ITIH6: variants seen among roughly 807,000 people sequenced by gnomAD.
ITIH6 encodes inter-alpha-trypsin inhibitor heavy chain family member 6.
Under a neutral mutation model 58.2 loss-of-function variants are expected in ITIH6, and 60 were observed. The ratio of observed to expected loss-of-function variants is 1.03; its 90% CI spans 0.84 to 1.28. ITIH6 has a LOEUF of 1.28. Ranked by LOEUF, ITIH6 falls within the 50% of genes most tolerant of loss-of-function variation. The pLI is 0.00. For missense variants in ITIH6, 1,290 were observed against 1,021.1 expected, an observed-to-expected ratio of 1.26 and a Z score of -3.59; for synonymous variants, 493 against 417.4, an observed-to-expected ratio of 1.18 and a Z score of -2.21.
intron 9 of ITIH6, 116 bp downstream of exon 9, chrX:54,754,901 C>T (rs1928455389): frequency 3.8e-6 from 2 of 532,291 alleles, no homozygotes; most frequent in Non-Finnish European, 6.3e-6. Flanking sequence ...AAATGTTACA[C>T]AACAATAGAA....
At chrX:54,787,858 G>A (rs1929269918) in intron 5 of ITIH6, 1 of 111,376 alleles carries the variant, frequency 9.0e-6, no homozygotes, top group African/African-American at 3.3e-5. Flanking sequence ...GCTGGAGGGT[G>A]GTTTGTGTGC....
In ITIH6 at chrX:54,765,434, T is replaced by C. The variant is rs1446774946; in HGVS notation, c.904-5507A>G. On this transcript the variant is annotated intron_variant, in intron 6 of 12. Transcript: ENST00000218436. ...CTTTAATCCATCTTGAATTGATTTT[T>C]GTATAAGGTGTAAGGAAGGGATCCA... is the stretch of plus-strand genomic sequence containing the variant. Among the ~76,000 whole-genome samples, 6 of 98,409 alleles carry C rather than the reference T, an allele frequency of 6.1e-5. No individual in the cohort carries two copies. The Admixed American group carries it at 6.8e-4, about 11-fold the overall frequency. 85.5% of individuals were successfully genotyped at this position (98,409 alleles called of 115,157 possible).
intron 5 of ITIH6, among the ~76,000 whole-genome samples, 188 bp from the exon 6 acceptor site, chrX:54,774,385 C>T (rs140626229): frequency 1.8e-5 from 2 of 112,836 alleles, no homozygotes; most frequent in Non-Finnish European, 3.7e-5. Context: ...CGTGTCTCAG[C>T]TCTTCAGACC....
rs199657923 is a variant in ITIH6, at chrX:54,757,146, T to C, written c.2928A>G (p.Thr976=). The change falls in exon 8 of 13, where the codon ACA becomes ACG. Residue 976 remains threonine (T), a synonymous_variant. Coordinates refer to ENST00000218436, the MANE Select transcript of ITIH6 (RefSeq NM_198510.3). The stretch of plus-strand genomic sequence containing the variant: ...GCAGGTTTGGAGGGCTGCCTTCTGG[T>C]GTAGGCCTGGAGCTGTTGAGTAGGC... ...TMSLLNSSRP[T]PEGSPPNLPI... The C allele has an allele frequency of 5.9e-5, 71 of 1,209,369 alleles. No individual in the cohort carries two copies. The East Asian group carries it at 1.7e-3, about 28-fold the overall frequency.
chrX:54,792,988 C>G (rs1929375950), intron 2 of ITIH6, among the ~76,000 whole-genome samples: 1 of 111,227 alleles, frequency 9.0e-6, no homozygotes, highest in African/African-American at 3.3e-5. Flanking sequence ...CTCTCCCCTT[C>G]TGTCCTCTAT....
chrX:54,785,808 A>C (rs1929232390), intron 5 of ITIH6, among the ~76,000 whole-genome samples: 1 of 111,525 alleles, frequency 9.0e-6, no homozygotes, highest in Non-Finnish European at 1.9e-5. Context: ...AGCTGTGTGC[A>C]GTTGATGGGG....
chrX:54,797,142 C>CG lies in ITIH6; in HGVS notation c.103-47_103-46insC, dbSNP rs779988204. 4 of 1,117,288 alleles carry CG rather than the reference C, an allele frequency of 3.6e-6. No individual in the cohort carries two copies. In the African/African-American group the frequency reaches 7.2e-5, roughly 20 times the overall value. The allele number at this position is 1,117,288 out of a possible 1,213,427, so 92.1% of individuals were successfully genotyped here. On this transcript the variant is annotated intron_variant, in intron 1 of 12. Transcript: ENST00000218436. ...AGGTGTTTTAGGTAGACTATGTCCT[C>CG]AGCCTAGATGGGCTAGTCTTTGGGA...
At chrX:54,751,807 G>C (rs1042123170) in intron 11 of ITIH6, among the ~76,000 whole-genome samples, 4 of 111,839 alleles carry the variant, frequency 3.6e-5, no homozygotes, top group South Asian at 3.8e-4. Flanking sequence ...GTGTGTACCT[G>C]GTTATGTGTT....
chrX:54,757,920 C>T lies in ITIH6; in HGVS notation c.2154G>A (p.Gln718=). 8.3e-7 allele frequency: 1 copy of T among 1,211,613 alleles called. No individual in the cohort carries two copies. Among genetic ancestry groups the T allele is most frequent in the Non-Finnish European group, 1.1e-6 (1 of 895,349 alleles). The change falls in exon 8 of 13, where the codon CAG becomes CAA. Residue 718 remains glutamine, a synonymous_variant. Transcript: ENST00000218436. ...TGGTAGGTTTTGTCCTGAGAGTTGG[C>T]TGGGCCAAGGTGCCAGAATCCTGTT... The part of the protein sequence containing the change: ...PAQQDSGTLA[Q]PTLRTKPTIL...
chrX:54,751,602 G>T, intron 11 of ITIH6, among the ~76,000 whole-genome samples: 1 of 112,364 alleles, frequency 8.9e-6, no homozygotes, highest in Non-Finnish European at 1.9e-5. Flanking sequence ...GTGGTTGTTT[G>T]CATATATATG....
At chrX:54,775,264 A>T (rs1045060681) in intron 5 of ITIH6, among the ~76,000 whole-genome samples, 2 of 111,388 alleles carry the variant, frequency 1.8e-5, no homozygotes, top group Non-Finnish European at 3.8e-5. Context: ...GCTTCTGGGA[A>T]AATCATGCTT....
intron 5 of ITIH6, among the ~76,000 whole-genome samples, chrX:54,784,961 C>G (rs1391527776): frequency 9.0e-6 from 1 of 111,384 alleles, no homozygotes; most frequent in African/African-American, 3.3e-5. Flanking sequence ...CATCAACAGA[C>G]GAATGTATAA....
intron 5 of ITIH6, among the ~76,000 whole-genome samples, chrX:54,774,683 A>G (rs1243731706): frequency 5.3e-5 from 6 of 112,673 alleles, no homozygotes; most frequent in Non-Finnish European, 1.1e-4. Flanking sequence ...GTTGCTGGGC[A>G]GAGCAGGGAG....
At position 54,758,519 on chromosome X, in the gene ITIH6, G is replaced by A. The variant is rs1284960817; in HGVS notation, c.1555C>T (p.His519Tyr). The change falls in exon 8 of 13, where the codon CAC becomes TAC. Residue 519 changes from histidine to tyrosine, a missense_variant. His to Tyr is a moderately conservative substitution (Grantham distance 83). Transcript: ENST00000218436. Reference protein sequence around the residue: ...VQPGKQELGIHLAARGPKDQL... With the variant: ...VQPGKQELGIYLAARGPKDQL... ...TCCTTGGGGCCACGGGCTGCCAGGT[G>A]GATGCCCAGTTCCTGTTTGCCTGGC... 3.3e-6 allele frequency: 4 copies of A among 1,211,063 alleles called. No homozygotes were observed. The Admixed American group carries it at 8.7e-5, about 26-fold the overall frequency.
intron 6 of ITIH6, among the ~76,000 whole-genome samples, chrX:54,771,028 TTTC>T (rs1466922539): frequency 2.7e-5 from 3 of 112,029 alleles, no homozygotes; most frequent in African/African-American, 9.7e-5. Context: ...TTCACTCCAC[TTTC>T]TTCTTGCTCC....
At chrX:54,767,014 G>C (rs1002842458) in intron 6 of ITIH6, among the ~76,000 whole-genome samples, 4 of 110,226 alleles carry the variant, frequency 3.6e-5, no homozygotes, top group African/African-American at 1.3e-4. Context: ...GAATCCATCT[G>C]GTCCTGGACT....
chrX:54,770,505 G>A (rs1928927651), intron 6 of ITIH6, among the ~76,000 whole-genome samples: 1 of 112,338 alleles, frequency 8.9e-6, no homozygotes, highest in African/African-American at 3.2e-5. Context: ...CTTAGCATAC[G>A]CATTAGACTT....
intron 12 of ITIH6, among the ~76,000 whole-genome samples, chrX:54,750,801 G>A (rs1268455692): frequency 3.6e-5 from 4 of 111,810 alleles, no homozygotes; most frequent in South Asian, 7.6e-4. Flanking sequence ...AGCTCCCTGG[G>A]CAGCTTTCTG....
At chrX:54,785,204 G>A (rs1929220415) in intron 5 of ITIH6, among the ~76,000 whole-genome samples, 1 of 108,364 alleles carries the variant, frequency 9.2e-6, no homozygotes, top group African/African-American at 3.4e-5. Flanking sequence ...AGAGGCTGCG[G>A]GGAGTGGGGT....
Sources: allele counts gnomAD v4.1 joint callset (sites outside exome capture counted in the v4.1 genomes callset), GRCh38; gene constraint gnomAD v4.1.1; transcripts MANE v1.5; gene names NCBI Gene and HGNC (gene_info 2026-07-23, HGNC 2026-07-21).